The following KLHDC10 variants were observed in gnomAD, a reference collection of about 807,000 sequenced individuals.
KLHDC10 encodes kelch domain containing 10.
KLHDC10 carries 24 observed loss-of-function variants against 56.1 expected under a neutral mutation model. That is an observed-to-expected ratio of 0.43 (90% confidence interval 0.31 to 0.60). KLHDC10 has a LOEUF of 0.60. KLHDC10 is among the 20% of genes least tolerant of loss of function. The pLI is 0.11. For missense variants in KLHDC10, 349 were observed against 567.0 expected, an observed-to-expected ratio of 0.62 and a Z score of 3.91; for synonymous variants, 188 against 207.1, an observed-to-expected ratio of 0.91 and a Z score of 0.79.
rs1796425311 is a variant in KLHDC10, at chr7:130,133,294, C to A, written c.*2548C>A. On this transcript the variant is annotated 3_prime_UTR_variant, in exon 10 of 10. Coordinates refer to ENST00000335420, the MANE Select transcript of KLHDC10 (RefSeq NM_014997.4). ...CACTCGGAATTCCTGACACTGTTTA[C>A]TTGATTTAGGAAAGTTTATGCCTGC... The A allele has an allele frequency of 6.6e-6, 1 of 152,218 alleles. No homozygotes were observed. The highest frequency in any genetic ancestry group is 2.4e-5 in the African/African-American group (1 of 41,456). The allele number at this position is 152,218 out of a possible 1,614,324, so 9.4% of individuals were successfully genotyped here.
At chr7:130,107,841 C>A (rs1796031241) in intron 2 of KLHDC10, among the ~76,000 whole-genome samples, 2 of 22,238 alleles carry the variant, frequency 9.0e-5, no homozygotes, top group Admixed American at 6.1e-4. Flanking sequence ...GGGACTCCGT[C>A]TCAAAAAAAA....
At chr7:130,128,889 A>AAAAAATATATAT in intron 8 of KLHDC10, among the ~76,000 whole-genome samples, 18 of 66,952 alleles carry the variant, frequency 2.7e-4, no homozygotes, top group African/African-American at 8.1e-4. Context: ...AAAAAAAAAA[A>AAAAAATATATAT]ATATATATAT....
chr7:130,132,337 C>G lies in KLHDC10; in HGVS notation c.*1591C>G, dbSNP rs947993382. The stretch of plus-strand genomic sequence containing the variant: ...CTTTGTCCTTCATCTCAGAAGGGAT[C>G]TCTTTAGCTTATGTGTGGATTTAAA... On this transcript the variant is annotated 3_prime_UTR_variant, in exon 10 of 10. Transcript: ENST00000335420. 1 of 152,138 alleles carries G rather than the reference C, an allele frequency of 6.6e-6. No individual in the cohort carries two copies. Among genetic ancestry groups the G allele is most frequent in the Non-Finnish European group, 1.5e-5 (1 of 68,044 alleles). 9.4% of individuals were successfully genotyped at this position (152,138 alleles called of 1,614,324 possible). A position where few individuals can be genotyped will look rare whatever the true frequency, so the allele number is the denominator to read the frequency against.
chr7:130,094,700 T>G (rs1029476965), intron 1 of KLHDC10, among the ~76,000 whole-genome samples: 6 of 152,188 alleles, frequency 3.9e-5, no homozygotes, highest in Non-Finnish European at 7.4e-5. Flanking sequence ...TTTTGTCATG[T>G]TAATAAATAG....
At chr7:130,082,029 T>G (rs1197995169) in intron 1 of KLHDC10, among the ~76,000 whole-genome samples, 2 of 152,146 alleles carry the variant, frequency 1.3e-5, no homozygotes, top group Non-Finnish European at 2.9e-5. Flanking sequence ...ATTTGGATAA[T>G]GGGCTGGGTG....
intron 2 of KLHDC10, among the ~76,000 whole-genome samples, chr7:130,110,784 TAA>T (rs768773877): frequency 2.0e-5 from 3 of 152,198 alleles, no homozygotes; most frequent in African/African-American, 7.2e-5. Context: ...CTTTTAATAA[TAA>T]GTTTTTTTTT....
intron 1 of KLHDC10, among the ~76,000 whole-genome samples, chr7:130,090,136 CTAA>C (rs1795751373): frequency 6.6e-6 from 1 of 152,046 alleles, no homozygotes; most frequent in African/African-American, 2.4e-5. Flanking sequence ...CCGCCTTGGC[CTAA>C]TAGTTCTAAT....
chr7:130,103,871 C>A (rs546309616), intron 2 of KLHDC10, among the ~76,000 whole-genome samples: 2 of 151,932 alleles, frequency 1.3e-5, no homozygotes, highest in African/African-American at 4.8e-5. Flanking sequence ...GGGTGGATCA[C>A]GAGGTCAGGA....
Position 130,101,086 on chromosome 7 carries a change from TA to T in KLHDC10, c.253+4080del, listed in dbSNP as rs1414392362. On this transcript the variant is annotated intron_variant, in intron 2 of 9. Coordinates refer to ENST00000335420, the MANE Select transcript of KLHDC10 (RefSeq NM_014997.4). Reference sequence around the variant, plus strand: ...TCCAGGCTCTGCCATTTAGCAACTGTATGACCTTGGGCAAGTTGCTTATTCT... The same window carrying T: ...TCCAGGCTCTGCCATTTAGCAACTGTTGACCTTGGGCAAGTTGCTTATTCT... Among the ~76,000 whole-genome samples the T allele has an allele frequency of 4.6e-5, 7 of 152,220 alleles. No individual in the cohort carries two copies. In the East Asian group the frequency reaches 1.3e-3, roughly 29 times the overall value.
chr7:130,077,212 G>A (rs904175191), intron 1 of KLHDC10, among the ~76,000 whole-genome samples: 13 of 151,416 alleles, frequency 8.6e-5, no homozygotes, highest in Non-Finnish European at 1.8e-4. Context: ...AAACTTAGCC[G>A]TTCTTGGTGG....
At chr7:130,096,830 C>T in intron 1 of KLHDC10, 91 bp from the exon 2 acceptor site, 1 of 865,366 alleles carries the variant, frequency 1.2e-6, no homozygotes, top group Non-Finnish European at 1.8e-6. Context: ...TGTTTTGTTT[C>T]CTGTTTTTCT....
intron 2 of KLHDC10, among the ~76,000 whole-genome samples, chr7:130,098,473 A>T (rs1406045578): frequency 6.6e-6 from 1 of 152,148 alleles, no homozygotes; most frequent in Non-Finnish European, 1.5e-5. Context: ...AGCCTGGGCG[A>T]TAGAGTGAGA....
intron 1 of KLHDC10, among the ~76,000 whole-genome samples, chr7:130,078,368 C>T (rs1468158278): frequency 1.3e-5 from 2 of 151,324 alleles, no homozygotes; most frequent in African/African-American, 2.4e-5. Context: ...AGCAAGACTC[C>T]GTCTCCAAAA....
Position 130,120,633 on chromosome 7 carries a change from C to A in KLHDC10, c.476-116C>A. On this transcript the variant is annotated intron_variant, in intron 3 of 9. Transcript: ENST00000335420. This position sits in a 1 kb window ranked among gnomAD's most constrained non-coding sequence, Gnocchi z 5.1. ...ACTAGTTAGATGTCAGTGGTTTGAG[C>A]TATCTTATGAGATCATTAAAGCAGA... The A allele has an allele frequency of 1.9e-6, 2 of 1,068,676 alleles. No individual in the cohort carries two copies. Among genetic ancestry groups the A allele is most frequent in the East Asian group, 2.6e-5 (1 of 39,126 alleles). The allele number at this position is 1,068,676 out of a possible 1,614,324, so 66.2% of individuals were successfully genotyped here. A position where few individuals can be genotyped will look rare whatever the true frequency, so the allele number is the denominator to read the frequency against.
intron 1 of KLHDC10, among the ~76,000 whole-genome samples, chr7:130,081,971 C>T (rs867570187): frequency 5.5e-4 from 83 of 152,160 alleles, no homozygotes; most frequent in African/African-American, 1.9e-3. Context: ...TGTCTCCCAC[C>T]CCCTACCACA....
At chr7:130,081,374 A>G (rs972698054) in intron 1 of KLHDC10, among the ~76,000 whole-genome samples, 1 of 151,766 alleles carries the variant, frequency 6.6e-6, no homozygotes, top group African/African-American at 2.4e-5. Flanking sequence ...GCTGCAGTGC[A>G]GTGGCATGAT....
At chr7:130,104,327 AAAATT>A (rs1369168354) in intron 2 of KLHDC10, among the ~76,000 whole-genome samples, 1 of 152,212 alleles carries the variant, frequency 6.6e-6, no homozygotes, top group African/African-American at 2.4e-5. Flanking sequence ...TTCTGTAACT[AAAATT>A]AAATTGAGAG....
chr7:130,113,334 C>CAT (rs560394089), intron 2 of KLHDC10, among the ~76,000 whole-genome samples: 193 of 144,768 alleles, frequency 1.3e-3, no homozygotes, highest in African/African-American at 4.6e-3. Context: ...CCAATAGTAA[C>CAT]TTTTTTTTTT....
intron 2 of KLHDC10, among the ~76,000 whole-genome samples, chr7:130,106,641 T>G (rs1447525168): frequency 6.6e-6 from 1 of 152,248 alleles, no homozygotes; most frequent in African/African-American, 2.4e-5. Context: ...ATGCATCCAG[T>G]ACCCTTATGA....
Sources: gnomAD v4.1 joint callset for allele counts (sites outside exome capture counted in the v4.1 genomes callset) on GRCh38, gnomAD v4.1.1 for gene constraint, Gnocchi (gnomAD v3.1) non-coding constraint, MANE v1.5 for transcripts, NCBI Gene and HGNC (gene_info 2026-07-23, HGNC 2026-07-21) for gene names.